Variants in DMC1 observed in about 807,000 individuals in gnomAD.
The protein encoded by DMC1 is DNA meiotic recombinase 1, also known as meiotic recombination protein DMC1 homolog.
In DMC1, 27 loss-of-function variants were observed where a neutral mutation model predicts 50.1. The ratio of observed to expected loss-of-function variants is 0.54; its 90% CI spans 0.40 to 0.74. DMC1 has a LOEUF of 0.74. Ranked by LOEUF, DMC1 falls within the 30% of genes least tolerant of loss-of-function variation. DMC1 has a pLI of 0.00. For missense variants in DMC1, 295 were observed against 420.2 expected, an observed-to-expected ratio of 0.70 and a Z score of 2.60; for synonymous variants, 148 against 136.1, an observed-to-expected ratio of 1.09 and a Z score of -0.61.
chr22:38,553,218 G>T (rs2090432013), intron 6 of DMC1, among the ~76,000 whole-genome samples: 1 of 151,054 alleles, frequency 6.6e-6, no homozygotes, highest in African/African-American at 2.4e-5. Context: ...AAAGTTTAAG[G>T]CCGGGCGCGG....
chr22:38,525,526 T>G (rs190514471), intron 12 of DMC1, among the ~76,000 whole-genome samples: 1 of 152,304 alleles, frequency 6.6e-6, no homozygotes, highest in Admixed American at 6.5e-5. Context: ...TAGAGACAAT[T>G]GCTTGTCATT....
chr22:38,523,699 C>T (rs752294748), intron 12 of DMC1, among the ~76,000 whole-genome samples: 10 of 151,584 alleles, frequency 6.6e-5, no homozygotes, highest in Admixed American at 3.3e-4. Context: ...ACTCGGAAGG[C>T]GGAGGCTGCA....
intron 8 of DMC1, among the ~76,000 whole-genome samples, chr22:38,541,588 A>G (rs1216932008): frequency 6.6e-6 from 1 of 152,224 alleles, no homozygotes; most frequent in Admixed American, 6.5e-5. Flanking sequence ...GCACACTTAC[A>G]ATAAACATAT....
Position 38,566,755 on chromosome 22 carries a change from G to T in DMC1, c.97-19C>A. 1 of 1,612,362 alleles carries T rather than the reference G, an allele frequency of 6.2e-7. No individual in the cohort carries two copies. The highest frequency in any genetic ancestry group is 1.1e-5 in the South Asian group (1 of 91,012). ...CCACGTTCTGTAAATTAAAGAATGG[G>T]CACAGCAGACTGATAAGATGCCAGC... On this transcript the variant is annotated intron_variant, in intron 3 of 13. Transcript: ENST00000216024.
At chr22:38,514,173 T>G (rs2145737432), downstream of DMC1, among the ~76,000 whole-genome samples, 1 of 152,102 alleles carries the variant, frequency 6.6e-6, no homozygotes, top group African/African-American at 2.4e-5. Flanking sequence ...ACCAGAGGGA[T>G]TCCATCTTGA....
intron 6 of DMC1, among the ~76,000 whole-genome samples, 162 bp downstream of exon 6, chr22:38,555,194 GT>G (rs2090456593): frequency 6.6e-6 from 1 of 152,010 alleles, no homozygotes; most frequent in Admixed American, 6.6e-5. Context: ...TTTCGTTGCA[GT>G]ACAGAATGAT....
chr22:38,535,495 G>A (rs1288813346), intron 12 of DMC1, among the ~76,000 whole-genome samples: 1 of 151,944 alleles, frequency 6.6e-6, no homozygotes, highest in Non-Finnish European at 1.5e-5. Context: ...AGATAAATGA[G>A]TATGTCTTGC....
intron 7 of DMC1, among the ~76,000 whole-genome samples, chr22:38,552,455 A>C (rs111688886): frequency 1.0e-3 from 156 of 152,308 alleles, no homozygotes; most frequent in African/African-American, 3.6e-3. Flanking sequence ...ATTTCTACTC[A>C]GGTGTTCATA....
chr22:38,565,236 C>T (rs1162895926), intron 4 of DMC1, among the ~76,000 whole-genome samples: 3 of 151,306 alleles, frequency 2.0e-5, no homozygotes, highest in Non-Finnish European at 3.0e-5. Context: ...AGTCAGTGGG[C>T]CCTGCTAGAA....
chr22:38,516,383 C>T (rs961586822), downstream of DMC1, among the ~76,000 whole-genome samples: 4 of 152,088 alleles, frequency 2.6e-5, no homozygotes, highest in Non-Finnish European at 4.4e-5. Flanking sequence ...AATTGTCCTT[C>T]GTCAGGGGTA....
chr22:38,555,231 G>A (rs1021756968), intron 6 of DMC1, 126 bp downstream of exon 6: 13 of 656,306 alleles, frequency 2.0e-5, no homozygotes, highest in African/African-American at 1.8e-4. Flanking sequence ...TTGAGATTTT[G>A]TAAGTTCCAA....
At chr22:38,567,780 A>G (rs1219310698) in intron 2 of DMC1, among the ~76,000 whole-genome samples, 153 bp from the exon 3 acceptor site, 1 of 152,254 alleles carries the variant, frequency 6.6e-6, no homozygotes, top group East Asian at 1.9e-4. Flanking sequence ...ACCGTTTTTC[A>G]AACACAGAAG....
At chr22:38,530,225 C>A (rs1411103301) in intron 12 of DMC1, among the ~76,000 whole-genome samples, 2 of 152,004 alleles carry the variant, frequency 1.3e-5, no homozygotes, top group Non-Finnish European at 2.9e-5. Context: ...CCTCAGCCTC[C>A]CAAAGTGCTG....
At chr22:38,549,778 T>A (rs904101106) in intron 8 of DMC1, 147 bp downstream of exon 8, 1 of 649,802 alleles carries the variant, frequency 1.5e-6, no homozygotes, top group Non-Finnish European at 2.7e-6. Context: ...ATTGGAGAAC[T>A]TAAACAGTAA....
intron 4 of DMC1, among the ~76,000 whole-genome samples, chr22:38,566,338 A>G (rs1278296600): frequency 6.6e-6 from 1 of 152,030 alleles, no homozygotes; most frequent in African/African-American, 2.4e-5. Flanking sequence ...TAATATAAAG[A>G]GAGACAAAAA....
chr22:38,518,603 T>C (rs1018485265), downstream of DMC1, among the ~76,000 whole-genome samples: 1 of 152,032 alleles, frequency 6.6e-6, no homozygotes, highest in Non-Finnish European at 1.5e-5. Context: ...CTATCTTGGC[T>C]CAATGCAACC....
At chr22:38,569,909 C>A (rs1428197310) in intron 1 of DMC1, 134 bp downstream of exon 1, 1 of 152,276 alleles carries the variant, frequency 6.6e-6, no homozygotes, top group Non-Finnish European at 1.5e-5. Context: ...TAAAATTCCT[C>A]CCCAAAGGTC....
intron 12 of DMC1, among the ~76,000 whole-genome samples, chr22:38,535,986 T>G (rs1337405545): frequency 6.7e-6 from 1 of 150,286 alleles, no homozygotes; most frequent in East Asian, 2.0e-4. Flanking sequence ...TTTGGGATGC[T>G]GAGGTGGGAG....
At chr22:38,538,271 T>A (rs755315236) in intron 11 of DMC1, 24 bp downstream of exon 11, 1 of 1,574,130 alleles carries the variant, frequency 6.4e-7, no homozygotes, top group Admixed American at 1.7e-5. Context: ...TAGTCACAGA[T>A]GCCATTTTAT....
Sources: gnomAD v4.1 joint callset for allele counts (sites outside exome capture counted in the v4.1 genomes callset) on GRCh38, gnomAD v4.1.1 for gene constraint, MANE v1.5 for transcripts, NCBI Gene and HGNC (gene_info 2026-07-23, HGNC 2026-07-21) for gene names.